SGCE: variants seen among roughly 807,000 people sequenced by gnomAD.
SGCE encodes epsilon-sarcoglycan.
Under a neutral mutation model 57.8 loss-of-function variants are expected in SGCE, and 26 were observed. That is an observed-to-expected ratio of 0.45 (90% confidence interval 0.33 to 0.62). The LOEUF is 0.62. Ranked by LOEUF, SGCE falls within the 20% of genes least tolerant of loss-of-function variation. The pLI, the probability that SGCE is intolerant of heterozygous loss-of-function variation, is 0.02. For synonymous variants in SGCE, 183 were observed against 189.5 expected, an observed-to-expected ratio of 0.97 and a Z score of 0.28; for missense variants, 468 against 548.6, an observed-to-expected ratio of 0.85 and a Z score of 1.47.
intron 3 of SGCE, 92 bp downstream of exon 3, chr7:94,628,110 T>C: frequency 9.9e-7 from 1 of 1,007,896 alleles, no homozygotes; most frequent in Non-Finnish European, 1.5e-6. Context: ...GTAACTTTAG[T>C]TTCAACACTT....
intron 5 of SGCE, chr7:94,617,975 A>T (rs1261199661): frequency 6.6e-6 from 1 of 152,238 alleles, no homozygotes; most frequent in Non-Finnish European, 1.5e-5. Context: ...TATTCCACAG[A>T]CTATACTTTT....
chr7:94,633,276 G>A (rs979357392), intron 1 of SGCE, among the ~76,000 whole-genome samples: 3 of 151,972 alleles, frequency 2.0e-5, no homozygotes, highest in East Asian at 1.9e-4. Context: ...AGTCCAACCC[G>A]CAAGAGGTCA....
intron 10 of SGCE, chr7:94,587,887 G>T (rs548098194): frequency 5.5e-5 from 83 of 1,501,552 alleles, no homozygotes; most frequent in Non-Finnish European, 7.0e-5. Context: ...GAATGTGCCT[G>T]AAGTTTTTAA....
At chr7:94,595,019 C>T (rs889085728) in intron 9 of SGCE, among the ~76,000 whole-genome samples, 1 of 152,116 alleles carries the variant, frequency 6.6e-6, no homozygotes, top group Non-Finnish European at 1.5e-5. Context: ...AGGTCAATGA[C>T]CGACACTATC....
At chr7:94,644,117 T>A (rs1156726078) in intron 1 of SGCE, among the ~76,000 whole-genome samples, 2 of 152,204 alleles carry the variant, frequency 1.3e-5, no homozygotes, top group African/African-American at 4.8e-5. Flanking sequence ...AAACAAAACA[T>A]CATATGCATC....
intron 1 of SGCE, among the ~76,000 whole-genome samples, chr7:94,631,915 C>A (rs964859759): frequency 2.0e-5 from 3 of 151,912 alleles, no homozygotes; most frequent in Non-Finnish European, 4.4e-5. Flanking sequence ...ATTAAAAATA[C>A]CTTGAAGTAC....
chr7:94,588,206 A>T, intron 10 of SGCE: 1 of 1,069,798 alleles, frequency 9.3e-7, no homozygotes, highest in Non-Finnish European at 1.1e-6. Context: ...TCTTGTTGTC[A>T]TTGGTCATGT....
chr7:94,629,952 G>A, intron 1 of SGCE, 111 bp from the exon 2 acceptor site: 6 of 1,259,340 alleles, frequency 4.8e-6, no homozygotes, highest in South Asian at 1.4e-5. Context: ...AGACATTTCT[G>A]GAAAAACTGA....
intron 1 of SGCE, among the ~76,000 whole-genome samples, chr7:94,640,235 A>G (rs556806947): frequency 6.6e-6 from 1 of 152,312 alleles, no homozygotes; most frequent in South Asian, 2.1e-4. Flanking sequence ...AGGTGAAACT[A>G]TCTGAGAAGA....
intron 9 of SGCE, among the ~76,000 whole-genome samples, chr7:94,591,956 A>C (rs567759677): frequency 6.6e-6 from 1 of 152,222 alleles, no homozygotes; most frequent in African/African-American, 2.4e-5. Flanking sequence ...CACTCCTTGC[A>C]GTTTCAAAGG....
At chr7:94,603,560 G>T in intron 5 of SGCE, 108 bp from the exon 6 acceptor site, 1 of 1,009,912 alleles carries the variant, frequency 9.9e-7, no homozygotes, top group Non-Finnish European at 1.5e-6. Context: ...AGATTAACTA[G>T]ACTCATCCCT....
chr7:94,623,187 CT>C (rs1380284687), intron 4 of SGCE, 137 bp downstream of exon 4: 7 of 577,034 alleles, frequency 1.2e-5, no homozygotes, highest in Non-Finnish European at 2.1e-5. Context: ...GCTTAGTTTT[CT>C]TTTCTATATC....
chr7:94,638,947 A>T (rs1021920037), intron 1 of SGCE, among the ~76,000 whole-genome samples: 5 of 152,210 alleles, frequency 3.3e-5, no homozygotes, highest in Non-Finnish European at 2.9e-5. Context: ...AGTTTTTCCA[A>T]GGTTACATAC....
intron 1 of SGCE, among the ~76,000 whole-genome samples, chr7:94,653,617 T>A (rs1366383375): frequency 1.3e-5 from 2 of 152,108 alleles, no homozygotes; most frequent in African/African-American, 2.4e-5. Context: ...TATTGCTCTA[T>A]TAATGTTATC....
At chr7:94,629,545 TTGTC>T in intron 2 of SGCE, 170 bp downstream of exon 2, 1 of 625,890 alleles carries the variant, frequency 1.6e-6, no homozygotes, top group Non-Finnish European at 2.8e-6. Context: ...TAAATTATTT[TTGTC>T]TGTAATTAAA....
At chr7:94,611,684 A>T (rs193104670) in intron 5 of SGCE, among the ~76,000 whole-genome samples, 14 of 152,294 alleles carry the variant, frequency 9.2e-5, no homozygotes, top group African/African-American at 1.2e-4. Flanking sequence ...TTATTTTTTT[A>T]AAATGAAATG....
intron 1 of SGCE, among the ~76,000 whole-genome samples, chr7:94,635,481 C>T (rs1337941692): frequency 6.6e-6 from 1 of 152,142 alleles, no homozygotes; most frequent in Non-Finnish European, 1.5e-5. Flanking sequence ...AATAATACTT[C>T]TCGTCTCATA....
At position 94,613,253 on chromosome 7, in the gene SGCE, T is replaced by C. The variant is rs115546365; in HGVS notation, c.662+5505A>G. Among the ~76,000 whole-genome samples the C allele has an allele frequency of 4.2e-3, 640 of 152,364 alleles. 1 individual carries two copies. Among genetic ancestry groups the C allele is most frequent in the African/African-American group, 0.015 (607 of 41,586 alleles). On this transcript the variant is annotated intron_variant, in intron 5 of 10. Transcript: ENST00000648936. ...TTGAACACACTGGCTTTTAAAAATA[T>C]GTAATTTTGTCTGAGTCCATGTGTA...
chr7:94,638,122 G>T (rs11972527), intron 1 of SGCE, among the ~76,000 whole-genome samples: 6,757 of 152,270 alleles, frequency 0.044, 486 homozygotes, highest in African/African-American at 0.15. Flanking sequence ...AAAGAACTAT[G>T]AGATCATGGG....
Sources: allele counts gnomAD v4.1 joint callset (sites outside exome capture counted in the v4.1 genomes callset), GRCh38; gene constraint gnomAD v4.1.1; transcripts MANE v1.5; gene names NCBI Gene and HGNC (gene_info 2026-07-23, HGNC 2026-07-21).